ME1: variants seen among roughly 807,000 people sequenced by gnomAD.
ME1 encodes malic enzyme 1.
ME1 carries 74 observed loss-of-function variants against 66.4 expected under a neutral mutation model. That is an observed-to-expected ratio of 1.11 (90% CI 0.92 to 1.35). The LOEUF is 1.35. Ranked by LOEUF, ME1 falls within the 40% of genes most tolerant of loss-of-function variation. ME1 has a pLI of 0.00. For synonymous variants in ME1, 251 were observed against 235.6 expected, an observed-to-expected ratio of 1.07 and a Z score of -0.60; for missense variants, 750 against 694.1, an observed-to-expected ratio of 1.08 and a Z score of -0.90.
At chr6:83,299,514 G>A (rs1215728301) in intron 6 of ME1, among the ~76,000 whole-genome samples, 1 of 152,114 alleles carries the variant, frequency 6.6e-6, no homozygotes, top group Non-Finnish European at 1.5e-5. Flanking sequence ...AGACCATGGG[G>A]TTTTCTAGGT....
At position 83,237,709 on chromosome 6, in the gene ME1, A is replaced by G. The variant is rs770531571; in HGVS notation, c.1026+8T>C. On this transcript the variant is annotated splice_region_variant and intron_variant, in intron 9 of 13. Coordinates refer to ENST00000369705, the MANE Select transcript of ME1 (RefSeq NM_002395.6). ...TCTTTATTCTGGTTAAAAATGACAA[A>G]TTCTTACCTTAACTATTAATCCTTT... The G allele has an allele frequency of 2.0e-6, 3 of 1,526,732 alleles. No individual in the cohort carries two copies. In the South Asian group the frequency reaches 3.5e-5, roughly 18 times the overall value. 94.6% of individuals were successfully genotyped at this position (1,526,732 alleles called of 1,614,324 possible).
In ME1 at chr6:83,331,517, C is replaced by T. The variant is rs146932424; in HGVS notation, c.600+14656G>A. Among the ~76,000 whole-genome samples the T allele has an allele frequency of 7.7e-3, 1,150 of 148,630 alleles. 17 individuals carry two copies. The highest frequency in any genetic ancestry group is 0.026 in the African/African-American group (1,048 of 40,268). On this transcript the variant is annotated intron_variant, in intron 5 of 13. Coordinates refer to ENST00000369705, the MANE Select transcript of ME1 (RefSeq NM_002395.6). ...CAGAGAATTGCTTGAACCCGGGAGG[C>T]GGAGGTTGCAGTGAGCTGAGATCAT...
At chr6:83,239,428 G>C (rs1790471270) in intron 8 of ME1, 111 bp downstream of exon 8, 1 of 695,154 alleles carries the variant, frequency 1.4e-6, no homozygotes, top group Non-Finnish European at 2.5e-6. Context: ...AAAGCCTACA[G>C]TCATAATATA....
intron 5 of ME1, among the ~76,000 whole-genome samples, chr6:83,328,057 G>C (rs1009774900): frequency 2.0e-5 from 3 of 152,134 alleles, no homozygotes; most frequent in Non-Finnish European, 4.4e-5. Flanking sequence ...CAAAGACTTG[G>C]AACCAATCCA....
At chr6:83,213,761 T>C (rs1425414612) in intron 13 of ME1, among the ~76,000 whole-genome samples, 1 of 152,212 alleles carries the variant, frequency 6.6e-6, no homozygotes, top group Non-Finnish European at 1.5e-5. Context: ...CTCATCTCAA[T>C]GTAAAACTAT....
At chr6:83,298,852 G>A (rs191953973) in intron 6 of ME1, among the ~76,000 whole-genome samples, 26 of 147,070 alleles carry the variant, frequency 1.8e-4, no homozygotes, top group Admixed American at 1.7e-3. Context: ...GTTTTGTCAG[G>A]CTTTTTGAAG....
chr6:83,386,898 C>T (rs898039392), intron 3 of ME1, among the ~76,000 whole-genome samples: 5 of 152,040 alleles, frequency 3.3e-5, no homozygotes, highest in African/African-American at 1.2e-4. Context: ...TACTGGAAAG[C>T]AACCACGCTG....
chr6:83,363,086 C>T (rs1769033787), intron 3 of ME1, among the ~76,000 whole-genome samples: 1 of 152,126 alleles, frequency 6.6e-6, no homozygotes, highest in Non-Finnish European at 1.5e-5. Flanking sequence ...ACTGTCTCAC[C>T]CACAGCCAGG....
At chr6:83,225,139 T>C (rs1469939599) in intron 11 of ME1, among the ~76,000 whole-genome samples, 1 of 146,036 alleles carries the variant, frequency 6.8e-6, no homozygotes, top group African/African-American at 2.6e-5. Flanking sequence ...GAGGCGGAGG[T>C]TGCAGTGAGC....
At chr6:83,330,769 G>A (rs1270207231) in intron 5 of ME1, among the ~76,000 whole-genome samples, 1 of 152,160 alleles carries the variant, frequency 6.6e-6, no homozygotes, top group African/African-American at 2.4e-5. Flanking sequence ...CAAGGCACTA[G>A]TGTAGTGTCT....
intron 9 of ME1, among the ~76,000 whole-genome samples, chr6:83,230,546 T>A (rs921570631): frequency 6.6e-6 from 1 of 152,180 alleles, no homozygotes; most frequent in Non-Finnish European, 1.5e-5. Context: ...GTAAGAGCTC[T>A]ATGCTAGTTG....
At chr6:83,260,767 T>A (rs1166691485) in intron 6 of ME1, among the ~76,000 whole-genome samples, 4 of 152,190 alleles carry the variant, frequency 2.6e-5, no homozygotes. Context: ...CCATCCATGT[T>A]CCTGCAAAGG....
chr6:83,242,300 C>T (rs1320215948), intron 7 of ME1, among the ~76,000 whole-genome samples: 1 of 152,156 alleles, frequency 6.6e-6, no homozygotes, highest in Non-Finnish European at 1.5e-5. Context: ...AAATAAAAGT[C>T]TCACCTTTTA....
chr6:83,356,609 G>T (rs1300022589), intron 3 of ME1, among the ~76,000 whole-genome samples: 4 of 152,106 alleles, frequency 2.6e-5, no homozygotes, highest in South Asian at 2.1e-4. Flanking sequence ...AGAAGAAAAT[G>T]ATCTAACAGG....
chr6:83,273,529 C>A (rs1430300003), intron 6 of ME1, among the ~76,000 whole-genome samples: 1 of 152,122 alleles, frequency 6.6e-6, no homozygotes, highest in African/African-American at 2.4e-5. Context: ...AAACTTAAGT[C>A]TTATTCCATG....
At position 83,253,743 on chromosome 6, in the gene ME1, G is replaced by A; in HGVS notation, c.705-5C>T. ...ATAAGGCAATTCATGCCATACCTATGGGACAAAAACATTCATATTAGAAGA... is the reference window on the plus strand; with the variant it reads ...ATAAGGCAATTCATGCCATACCTATAGGACAAAAACATTCATATTAGAAGA... On this transcript the variant is annotated splice_region_variant and splice_polypyrimidine_tract_variant and intron_variant, in intron 6 of 13. Transcript: ENST00000369705. 1.4e-6 allele frequency: 2 copies of A among 1,477,934 alleles called. No individual in the cohort carries two copies. The highest frequency in any genetic ancestry group is 1.9e-6 in the Non-Finnish European group (2 of 1,060,186). The allele number at this position is 1,477,934 out of a possible 1,614,324, so 91.6% of individuals were successfully genotyped here. A position where few individuals can be genotyped will look rare whatever the true frequency, so the allele number is the denominator to read the frequency against.
At chr6:83,331,837 G>A (rs188726706) in intron 5 of ME1, among the ~76,000 whole-genome samples, 47 of 152,124 alleles carry the variant, frequency 3.1e-4, no homozygotes, top group African/African-American at 1.1e-3. Context: ...CCCATATAAC[G>A]TATGAAAAGG....
At chr6:83,324,155 A>G (rs930393047) in intron 5 of ME1, among the ~76,000 whole-genome samples, 1 of 152,118 alleles carries the variant, frequency 6.6e-6, no homozygotes, top group African/African-American at 2.4e-5. Context: ...CAAAGACACA[A>G]TGTGCCAGAA....
chr6:83,215,175 G>A (rs540117952), intron 13 of ME1, among the ~76,000 whole-genome samples: 2 of 152,242 alleles, frequency 1.3e-5, no homozygotes, highest in African/African-American at 4.8e-5. Flanking sequence ...CAGTCAACGA[G>A]ATAAATAATG....
Sources: allele counts gnomAD v4.1 joint callset (sites outside exome capture counted in the v4.1 genomes callset), GRCh38; gene constraint gnomAD v4.1.1; transcripts MANE v1.5; gene names NCBI Gene and HGNC (gene_info 2026-07-23, HGNC 2026-07-21).